The following RTF2 variants were observed in gnomAD, a reference collection of about 807,000 sequenced individuals.
RTF2 encodes the protein replication termination factor 2.
Under a neutral mutation model 38.0 loss-of-function variants are expected in RTF2, and 18 were observed. The ratio of observed to expected loss-of-function variants is 0.47; its 90% confidence interval spans 0.33 to 0.70. RTF2 has a LOEUF of 0.70. RTF2 is among the 30% of genes least tolerant of loss of function. The pLI is 0.02. For missense variants in RTF2, 311 were observed against 379.6 expected (o/e 0.82, Z 1.50); for synonymous variants, 126 against 137.1 (o/e 0.92, Z 0.57).
intron 5 of RTF2, chr20:56,491,565 T>A: frequency 6.5e-7 from 1 of 1,543,156 alleles, no homozygotes; most frequent in Non-Finnish European, 8.8e-7. Flanking sequence ...CCCTAGCGGT[T>A]CAGTCTCATA....
intron 5 of RTF2, among the ~76,000 whole-genome samples, chr20:56,506,861 C>A (rs1181556048): frequency 6.6e-6 from 1 of 152,080 alleles, no homozygotes; most frequent in African/African-American, 2.4e-5. Flanking sequence ...CCACCATGCC[C>A]GACTAATTTT....
rs375897986 is a variant in RTF2 at position 56,471,326 on chromosome 20, T to C, written c.70-1975T>C. On this transcript the variant is annotated intron_variant, in intron 1 of 8. Coordinates refer to ENST00000357348, the MANE Select transcript of RTF2 (RefSeq NM_016407.5). ...GCTCACGCCTGTAATCCCAGCACTT[T>C]GGGAGGCTGAAGCAGGCGGATCATG... 9.9e-5 allele frequency among the ~76,000 whole-genome samples: 15 copies of C among 152,282 alleles called. 1 individual carries two copies. Among genetic ancestry groups the C allele is most frequent in the African/African-American group, 2.4e-4 (10 of 41,556 alleles).
intron 3 of RTF2, among the ~76,000 whole-genome samples, chr20:56,475,727 G>A (rs1322130501): frequency 6.6e-6 from 1 of 151,754 alleles, no homozygotes; most frequent in Non-Finnish European, 1.5e-5. Context: ...TGTGACATCA[G>A]CACATTACCC....
chr20:56,497,915 C>G (rs1194485990), intron 5 of RTF2, among the ~76,000 whole-genome samples: 1 of 152,194 alleles, frequency 6.6e-6, no homozygotes, highest in East Asian at 1.9e-4. Flanking sequence ...AAGAAACTGC[C>G]AAACTGTTTT....
intron 4 of RTF2, among the ~76,000 whole-genome samples, chr20:56,481,341 G>A (rs138263059): frequency 3.3e-4 from 51 of 152,308 alleles, no homozygotes; most frequent in East Asian, 1.2e-3. Context: ...GCCGTGTTGC[G>A]TGTGGCAGAC....
intron 5 of RTF2, among the ~76,000 whole-genome samples, chr20:56,502,639 C>T (rs151172428): frequency 1.3e-5 from 2 of 152,172 alleles, no homozygotes; most frequent in Middle Eastern, 3.4e-3. Context: ...TGGATGGGAA[C>T]CTTTAAAGGT....
chr20:56,495,112 C>G, intron 5 of RTF2: 1 of 868,222 alleles, frequency 1.2e-6, no homozygotes, highest in Non-Finnish European at 1.8e-6. Context: ...AAACATGATC[C>G]TCCGTCTTGC....
intron 1 of RTF2, chr20:56,471,572 A>AAAAC (rs1555808621): frequency 0.04 from 6,027 of 151,612 alleles, 365 homozygotes; most frequent in African/African-American, 0.13. Flanking sequence ...CGTCTCAAAA[A>AAAAC]AAAACAAAAC....
intron 5 of RTF2, among the ~76,000 whole-genome samples, chr20:56,490,678 G>A (rs189531189): frequency 2.6e-5 from 4 of 152,328 alleles, no homozygotes; most frequent in South Asian, 2.1e-4. Context: ...TTAGCCAGGC[G>A]TGGTGGTGCA....
At chr20:56,490,543 G>C (rs571052905) in intron 5 of RTF2, among the ~76,000 whole-genome samples, 1 of 152,210 alleles carries the variant, frequency 6.6e-6, no homozygotes, top group Non-Finnish European at 1.5e-5. Flanking sequence ...GGCCGGGTGC[G>C]GTGGCTCACG....
chr20:56,494,054 G>T (rs1199271530), intron 5 of RTF2, among the ~76,000 whole-genome samples: 2 of 152,218 alleles, frequency 1.3e-5, no homozygotes, highest in South Asian at 2.1e-4. Flanking sequence ...AATAATGATT[G>T]TTTCTACCTG....
intron 1 of RTF2, among the ~76,000 whole-genome samples, chr20:56,472,059 A>G (rs1337768189): frequency 6.6e-6 from 1 of 150,838 alleles, no homozygotes; most frequent in East Asian, 1.9e-4. Context: ...ACCTCTTAAC[A>G]AAAATAAAAT....
At chr20:56,502,911 G>A (rs2144609) in intron 5 of RTF2, among the ~76,000 whole-genome samples, 54,139 of 151,964 alleles carry the variant, frequency 0.36, 9,995 homozygotes, top group East Asian at 0.64. Context: ...GGCAAGTGAC[G>A]GAAGCTCCTG....
chr20:56,491,843 A>C, intron 5 of RTF2: 2 of 1,307,880 alleles, frequency 1.5e-6, no homozygotes, highest in Admixed American at 4.0e-5. Flanking sequence ...TTATTCACAC[A>C]CAGAAAGTGG....
intron 5 of RTF2, chr20:56,497,714 C>G (rs1983647288): frequency 1.2e-6 from 1 of 823,998 alleles, no homozygotes; most frequent in South Asian, 1.8e-5. Context: ...ATTCTCCCCC[C>G]CAACTTTATT....
chr20:56,481,610 C>CAT (rs936213991), intron 4 of RTF2, among the ~76,000 whole-genome samples: 26 of 151,240 alleles, frequency 1.7e-4, no homozygotes, highest in Admixed American at 1.1e-3. Flanking sequence ...TGTGTGTTTG[C>CAT]ATATATATAT....
At chr20:56,510,105 G>T (rs1413189249) in intron 5 of RTF2, among the ~76,000 whole-genome samples, 4 of 152,122 alleles carry the variant, frequency 2.6e-5, no homozygotes, top group Admixed American at 6.6e-5. Flanking sequence ...GGGGAATGGA[G>T]TGAGTGCCAG....
chr20:56,509,991 A>C (rs892754847), intron 5 of RTF2, among the ~76,000 whole-genome samples: 3 of 152,132 alleles, frequency 2.0e-5, no homozygotes, highest in African/African-American at 7.2e-5. Flanking sequence ...CCAGTCACAA[A>C]AAAAAAAAAC....
Position 56,505,117 on chromosome 20 carries a change from T to C in RTF2, c.478-8198T>C, listed in dbSNP as rs539526402. Reference sequence around the variant, plus strand: ...AATCAGAAAAGGTTAGGTCCTTTTATGTGTGGGAGAGTCACATTGCCAGCT... The same window carrying C: ...AATCAGAAAAGGTTAGGTCCTTTTACGTGTGGGAGAGTCACATTGCCAGCT... On this transcript the variant is annotated intron_variant, in intron 5 of 8. Transcript: ENST00000357348. 4.6e-5 allele frequency among the ~76,000 whole-genome samples: 7 copies of C among 152,302 alleles called. No individual in the cohort carries two copies. The South Asian group carries it at 8.3e-4, about 18-fold the overall frequency.
Sources: gnomAD v4.1 joint callset for allele counts (sites outside exome capture counted in the v4.1 genomes callset) on GRCh38, gnomAD v4.1.1 for gene constraint, MANE v1.5 for transcripts, NCBI Gene and HGNC (gene_info 2026-07-23, HGNC 2026-07-21) for gene names.